CSNK1D: variants seen among roughly 807,000 people sequenced by gnomAD.
CSNK1D encodes casein kinase I isoform delta.
Under a neutral mutation model 46.6 loss-of-function variants are expected in CSNK1D, and 16 were observed. The ratio of observed to expected loss-of-function variants is 0.34; its 90% confidence interval spans 0.23 to 0.52. The LOEUF (loss-of-function observed/expected upper bound fraction) is 0.52, where lower values mean the gene tolerates loss of function less well. CSNK1D is among the 20% of genes least tolerant of loss of function. The pLI is 0.95. For missense variants in CSNK1D, 398 were observed against 578.4 expected (o/e 0.69, Z 3.20); for synonymous variants, 276 against 228.2 (o/e 1.21, Z -1.89).
chr17:82,246,374 G>C, intron 8 of CSNK1D: 2 of 1,269,874 alleles, frequency 1.6e-6, no homozygotes, highest in Middle Eastern at 3.3e-4. Context: ...TCAGGGCACA[G>C]CCTGAAGGCA....
intron 1 of CSNK1D, among the ~76,000 whole-genome samples, chr17:82,271,875 C>T (rs2051634001): frequency 6.6e-6 from 1 of 152,180 alleles, no homozygotes; most frequent in Non-Finnish European, 1.5e-5. Flanking sequence ...CTGACAGGTG[C>T]CCCAGTTAAA....
Position 82,251,552 on chromosome 17 carries a change from A to T in CSNK1D, c.737-25T>A. On this transcript the variant is annotated intron_variant, in intron 5 of 8. Transcript: ENST00000314028. The surrounding 1 kb of genome is among the most constrained non-coding windows in gnomAD (Gnocchi z 4.5). ...GCTACAAAACAAGAAACTCAAAGCT[A>T]ACTCATGAAACCCAACTGCGACTCA... 6.2e-7 allele frequency: 1 copy of T among 1,613,318 alleles called. No homozygotes were observed. Among genetic ancestry groups the T allele is most frequent in the Non-Finnish European group, 8.5e-7 (1 of 1,179,668 alleles).
chr17:82,252,474 T>C lies in CSNK1D; in HGVS notation c.696A>G (p.Lys232=), dbSNP rs2147173283. 8 of 1,614,036 alleles carry C rather than the reference T, an allele frequency of 5.0e-6. No homozygotes were observed. Among genetic ancestry groups the C allele is most frequent in the African/African-American group, 1.3e-5 (1 of 75,004 alleles). The change falls in exon 5 of 9, where the codon AAA becomes AAG. Residue 232 remains lysine (K), a synonymous_variant. Transcript: ENST00000314028. This position sits in a 1 kb window ranked among gnomAD's most constrained non-coding sequence, Gnocchi z 4.6. ...ACAACACTTCGATGGGGGTGGACAT[T>C]TTCTTCTCGCTAATCCTTTCGTATT... The part of the protein sequence containing the change: ...RQKYERISEK[K]MSTPIEVLCK...
Position 82,243,863 on chromosome 17 carries a change from A to G in CSNK1D, c.*918T>C. The G allele has an allele frequency of 1.0e-6, 1 of 985,678 alleles. No individual in the cohort carries two copies. Among genetic ancestry groups the G allele is most frequent in the Non-Finnish European group, 1.2e-6 (1 of 830,088 alleles). 61.1% of individuals were successfully genotyped at this position (985,678 alleles called of 1,614,324 possible). A position where few individuals can be genotyped will look rare whatever the true frequency, so the allele number is the denominator to read the frequency against. The stretch of plus-strand genomic sequence containing the variant: ...TCACAGTCCTCTCCCAAGGGACCAG[A>G]AACGCATCTTCCACCTTGAATCCTG... On this transcript the variant is annotated 3_prime_UTR_variant, in exon 9 of 9. Transcript: ENST00000314028.
At chr17:82,260,251 A>G (rs1223931626) in intron 2 of CSNK1D, among the ~76,000 whole-genome samples, 41 of 117,054 alleles carry the variant, frequency 3.5e-4, no homozygotes, top group East Asian at 5.8e-4. Flanking sequence ...GACTGATGGT[A>G]TACCGAGTGA....
chr17:82,248,922 A>G lies in CSNK1D; in HGVS notation c.1150T>C (p.Ser384Pro). ...HRGAPVNISS[S>P]DLTGRQDTSR... ...GTATCTTGTCGGCCTGTGAGGTCGG[A>G]CGAGGAGATGTTGACGGGGGCCCCG... The change falls in exon 8 of 9, where the codon TCC becomes CCC. Residue 384 changes from serine to proline, a missense_variant. Ser to Pro is a moderately conservative substitution (Grantham distance 74). Around this residue, in one of 2 missense-constraint regions of CSNK1D, gnomAD observed 181 missense variants for 208.0 expected, o/e 0.87. Transcript: ENST00000314028. The surrounding 1 kb of genome is among the most constrained non-coding windows in gnomAD (Gnocchi z 4.1). 1 of 1,608,972 alleles carries G rather than the reference A, an allele frequency of 6.2e-7. No individual in the cohort carries two copies. Among genetic ancestry groups the G allele is most frequent in the Non-Finnish European group, 8.5e-7 (1 of 1,177,382 alleles).
Position 82,251,668 on chromosome 17 carries a change from A to C in CSNK1D, c.737-141T>G. 1.1e-6 allele frequency: 1 copy of C among 899,616 alleles called. No individual in the cohort carries two copies. The highest frequency in any genetic ancestry group is 1.8e-6 in the Non-Finnish European group (1 of 559,954). The allele number at this position is 899,616 out of a possible 1,614,324, so 55.7% of individuals were successfully genotyped here. ...GCAAAACACCTGTCAGATTTCTAAG[A>C]CCTGAAGCCTTGAGAAAGCATCGAA... On this transcript the variant is annotated intron_variant, in intron 5 of 8. Coordinates refer to ENST00000314028, the MANE Select transcript of CSNK1D (RefSeq NM_001893.6). The surrounding 1 kb of genome is among the most constrained non-coding windows in gnomAD (Gnocchi z 4.5).
chr17:82,241,955 G>T (rs1434219297), downstream of CSNK1D, among the ~76,000 whole-genome samples: 1 of 152,108 alleles, frequency 6.6e-6, no homozygotes, highest in Non-Finnish European at 1.5e-5. Flanking sequence ...GTGACCCGAA[G>T]TCCCTGTGCT....
At chr17:82,254,141 C>A (rs1384062473) in intron 3 of CSNK1D, 15 of 233,082 alleles carry the variant, frequency 6.4e-5, no homozygotes. Flanking sequence ...CCTCGAGAAG[C>A]CAGTGAGCTG....
At position 82,273,547 on chromosome 17, in the gene CSNK1D, C is replaced by T; in HGVS notation, c.-166G>A. On this transcript the variant is annotated 5_prime_UTR_variant, in exon 1 of 9. Transcript: ENST00000314028. The surrounding 1 kb of genome is among the most constrained non-coding windows in gnomAD (Gnocchi z 5.1). ...CCTGTCGCCCCGCCGCTCCCAGCGC[C>T]TCAATACGGGGCGGATGGGACAGTC... 1 of 843,986 alleles carries T rather than the reference C, an allele frequency of 1.2e-6. No individual in the cohort carries two copies. The highest frequency in any genetic ancestry group is 1.8e-6 in the Non-Finnish European group (1 of 542,232). The allele number at this position is 843,986 out of a possible 1,614,324, so 52.3% of individuals were successfully genotyped here. A position where few individuals can be genotyped will look rare whatever the true frequency, so the allele number is the denominator to read the frequency against.
At chr17:82,242,219 G>T (rs889572473), downstream of CSNK1D, among the ~76,000 whole-genome samples, 11 of 151,730 alleles carry the variant, frequency 7.2e-5, no homozygotes, top group East Asian at 9.8e-4. Context: ...CTCTGGGGGG[G>T]GGGGGAAGAG....
At chr17:82,264,395 C>T (rs1310369219) in intron 2 of CSNK1D, among the ~76,000 whole-genome samples, 1 of 152,346 alleles carries the variant, frequency 6.6e-6, no homozygotes, top group East Asian at 1.9e-4. Flanking sequence ...TACCCTCCTG[C>T]TCCATCAGCC....
rs901148805 is a variant in CSNK1D at position 82,255,758 on chromosome 17, A to G, written c.188-181T>C. On this transcript the variant is annotated intron_variant, in intron 2 of 8. Coordinates refer to ENST00000314028, the MANE Select transcript of CSNK1D (RefSeq NM_001893.6). This position sits in a 1 kb window ranked among gnomAD's most constrained non-coding sequence, Gnocchi z 5.9. The stretch of plus-strand genomic sequence containing the variant: ...CCATCCTCGAGATTAGGCCCCATCT[A>G]TTAGCAAATGGCCTGAGGCAGACGT... 3.9e-5 allele frequency among the ~76,000 whole-genome samples: 6 copies of G among 152,188 alleles called. No homozygotes were observed. Among genetic ancestry groups the G allele is most frequent in the African/African-American group, 1.4e-4 (6 of 41,454 alleles).
At position 82,248,842 on chromosome 17, in the gene CSNK1D, G is replaced by A. The variant is rs1391429526; in HGVS notation, c.1197+33C>T. ...TCTTGACTCGGACGGGGTAGCCCGA[G>A]GCCCAGCGCCCGCCCGGGAGCTCTG... is the stretch of plus-strand genomic sequence containing the variant. On this transcript the variant is annotated intron_variant, in intron 8 of 8. Transcript: ENST00000314028. The surrounding 1 kb of genome is among the most constrained non-coding windows in gnomAD (Gnocchi z 4.1). 9.4e-6 allele frequency: 15 copies of A among 1,599,476 alleles called. No individual in the cohort carries two copies. The highest frequency in any genetic ancestry group is 1.3e-5 in the Non-Finnish European group (15 of 1,172,728).
intron 2 of CSNK1D, among the ~76,000 whole-genome samples, chr17:82,261,404 T>C (rs977272335): frequency 9.9e-5 from 15 of 152,104 alleles, no homozygotes; most frequent in East Asian, 1.9e-4. Context: ...GCTAAACATA[T>C]GCGTGGGGAT....
At chr17:82,262,186 G>A (rs1405135487) in intron 2 of CSNK1D, among the ~76,000 whole-genome samples, 1 of 152,246 alleles carries the variant, frequency 6.6e-6, no homozygotes, top group East Asian at 1.9e-4. Context: ...TTTGGGACAG[G>A]TGGGAGCATC....
chr17:82,258,029 C>T (rs2051223705), intron 2 of CSNK1D, among the ~76,000 whole-genome samples: 2 of 151,716 alleles, frequency 1.3e-5, no homozygotes, highest in Admixed American at 1.3e-4. Context: ...CATACTGAGA[C>T]CCCCGTCTCT....
chr17:82,247,927 G>A (rs2050892606), intron 8 of CSNK1D: 1 of 985,362 alleles, frequency 1.0e-6, no homozygotes, highest in South Asian at 4.7e-5. Context: ...ACGGCAAGTG[G>A]TCAAGAGTGC....
At chr17:82,253,505 G>C in intron 3 of CSNK1D, 4 of 486,180 alleles carry the variant, frequency 8.2e-6, no homozygotes, top group South Asian at 7.7e-5. Context: ...GCGACAGAGA[G>C]GGGACAACCC....
Sources: allele counts gnomAD v4.1 joint callset (sites outside exome capture counted in the v4.1 genomes callset), GRCh38; gene constraint gnomAD v4.1.1; regional missense constraint gnomAD v4.1.1; non-coding constraint Gnocchi (gnomAD v3.1); transcripts MANE v1.5; gene names NCBI Gene and HGNC (gene_info 2026-07-23, HGNC 2026-07-21).